BCAS1: variants seen among roughly 807,000 people sequenced by gnomAD.
BCAS1 encodes the protein breast carcinoma-amplified sequence 1.
In BCAS1, 46 loss-of-function variants were observed where a neutral mutation model predicts 65.4. The ratio of observed to expected loss-of-function variants is 0.70; its 90% CI spans 0.55 to 0.90. BCAS1 has a LOEUF of 0.90. Among genes scored for constraint, BCAS1 ranks in the 40% least tolerant of loss-of-function variants. The pLI is 0.00. For missense variants in BCAS1, 793 were observed against 771.2 expected (o/e 1.03, Z -0.33); for synonymous variants, 298 against 293.5 (o/e 1.02, Z -0.16).
intron 10 of BCAS1, among the ~76,000 whole-genome samples, chr20:53,963,117 T>A (rs2089931610): frequency 1.3e-5 from 2 of 151,416 alleles, no homozygotes; most frequent in Admixed American, 1.3e-4. Context: ...CCCAAAGTGC[T>A]GGGATTACAG....
intron 12 of BCAS1, among the ~76,000 whole-genome samples, chr20:53,951,706 C>G (rs1417327419): frequency 6.6e-6 from 1 of 152,204 alleles, no homozygotes; most frequent in Non-Finnish European, 1.5e-5. Flanking sequence ...CTTGCGTTGG[C>G]AAATCCAATA....
intron 4 of BCAS1, among the ~76,000 whole-genome samples, chr20:54,021,092 T>A (rs1054778066): frequency 6.6e-6 from 1 of 152,202 alleles, no homozygotes; most frequent in African/African-American, 2.4e-5. Flanking sequence ...CTGTGGCATG[T>A]CCTCTTTGCT....
chr20:54,028,296 T>G (rs2091720221), intron 4 of BCAS1, 96 bp downstream of exon 4: 2 of 1,323,762 alleles, frequency 1.5e-6, no homozygotes, highest in Admixed American at 1.7e-5. Flanking sequence ...CCACCTTGCC[T>G]AGGCCCAGGG....
intron 3 of BCAS1, among the ~76,000 whole-genome samples, chr20:54,053,028 A>G (rs2092244136): frequency 6.6e-6 from 1 of 152,252 alleles, no homozygotes; most frequent in South Asian, 2.1e-4. Flanking sequence ...ATTTTGGCAG[A>G]ACAAGCACAT....
At chr20:53,970,744 T>TGTA (rs1239105086) in intron 9 of BCAS1, among the ~76,000 whole-genome samples, 1 of 152,218 alleles carries the variant, frequency 6.6e-6, no homozygotes, top group African/African-American at 2.4e-5. Flanking sequence ...TGAAATTTGG[T>TGTA]TATACAGTTT....
rs2092078121 is a variant in BCAS1 at position 54,045,196 on chromosome 20, GC to G, written c.142+12888del. Among the ~76,000 whole-genome samples the G allele has an allele frequency of 3.4e-5, 5 of 145,756 alleles. No homozygotes were observed. The South Asian group carries it at 1.1e-3, about 32-fold the overall frequency. ...CATTGCACTCCAGCTGGGTGACAGA[GC>G]AAGACCTCATCTCAAAAAAAAAAAA... is the stretch of plus-strand genomic sequence containing the variant. On this transcript the variant is annotated intron_variant, in intron 3 of 12. Transcript: ENST00000688948.
chr20:53,980,324 G>GA (rs1422570672), intron 8 of BCAS1, among the ~76,000 whole-genome samples: 4 of 152,206 alleles, frequency 2.6e-5, no homozygotes, highest in Non-Finnish European at 5.9e-5. Flanking sequence ...CCAGATTCCA[G>GA]AGGGCTTCCC....
rs773839707 is a variant in BCAS1 at position 54,028,385 on chromosome 20, C to T, written c.723+7G>A. ...AGAACCAAGTGGATACACCTTGGCA[C>T]ACTTACCTTCCCTGCAGGGACATCA... On this transcript the variant is annotated splice_region_variant and intron_variant, in intron 4 of 12. Coordinates refer to ENST00000688948, the MANE Select transcript of BCAS1 (RefSeq NM_001366298.2). 3 of 1,614,204 alleles carry T rather than the reference C, an allele frequency of 1.9e-6. No homozygotes were observed. The highest frequency in any genetic ancestry group is 2.2e-5 in the East Asian group (1 of 44,886).
At chr20:54,064,479 G>C (rs757159694) in intron 1 of BCAS1, among the ~76,000 whole-genome samples, 1 of 152,158 alleles carries the variant, frequency 6.6e-6, no homozygotes, top group Admixed American at 6.5e-5. Flanking sequence ...CTTTGCTGAC[G>C]CACTGTTTCG....
intron 1 of BCAS1, among the ~76,000 whole-genome samples, chr20:54,061,890 C>T (rs569407650): frequency 1.3e-5 from 2 of 152,090 alleles, no homozygotes; most frequent in South Asian, 2.1e-4. Context: ...CAAAGAACAG[C>T]GGTGGCTGGA....
chr20:53,979,611 T>C (rs113733735), intron 8 of BCAS1, among the ~76,000 whole-genome samples: 2 of 152,094 alleles, frequency 1.3e-5, no homozygotes, highest in African/African-American at 4.8e-5. Flanking sequence ...GCACGGATCA[T>C]CTCCTTGGTG....
At position 53,953,448 on chromosome 20, in the gene BCAS1, C is replaced by T. The variant is rs200870946; in HGVS notation, c.1799G>A (p.Gly600Asp). Residue 600 changes from glycine to aspartate, a missense_variant, in exon 12 of 13, where the codon GGC (glycine) becomes GAC (aspartate). Gly to Asp is a moderately conservative substitution (Grantham distance 94). Coordinates refer to ENST00000688948, the MANE Select transcript of BCAS1 (RefSeq NM_001366298.2). ...TCCACCTACCAGGCCTTTAAAGAAGCCCCCAAGGGACTGCTGCCGCTTCTC... is the reference window on the plus strand; with the variant it reads ...TCCACCTACCAGGCCTTTAAAGAAGTCCCCAAGGGACTGCTGCCGCTTCTC... ...RPEKRQQSLGGFFKGLGPKRM... is the reference protein window; with the variant it reads ...RPEKRQQSLGDFFKGLGPKRM... The T allele has an allele frequency of 7.9e-5, 127 of 1,613,876 alleles. No individual in the cohort carries two copies. The highest frequency in any genetic ancestry group is 1.8e-4 in the Admixed American group (11 of 59,996).
chr20:54,060,528 G>A (rs2092363950), intron 1 of BCAS1, among the ~76,000 whole-genome samples: 2 of 151,568 alleles, frequency 1.3e-5, no homozygotes, highest in Admixed American at 6.6e-5. Flanking sequence ...CACCATGTTG[G>A]CCAGACTGGT....
Position 53,957,466 on chromosome 20 carries a change from G to A in BCAS1, c.1517C>T (p.Ser506Leu). ...SVKGDGGITHSEEINGKDSSC... is the reference protein window; with the variant it reads ...SVKGDGGITHLEEINGKDSSC... ...GGAGTCTTTCCCATTTATTTCTTCTGAGTGGGTGATCCCTCCATCCCCTTT... is the reference window on the plus strand; with the variant it reads ...GGAGTCTTTCCCATTTATTTCTTCTAAGTGGGTGATCCCTCCATCCCCTTT... The change falls in exon 11 of 13, where the codon TCA (serine) becomes TTA (leucine). Residue 506 changes from serine to leucine, a missense_variant. Transcript: ENST00000688948. 6.2e-7 allele frequency: 1 copy of A among 1,614,130 alleles called. No homozygotes were observed. The highest frequency in any genetic ancestry group is 2.2e-5 in the East Asian group (1 of 44,888).
chr20:53,990,511 C>CT (rs36023841), intron 7 of BCAS1, among the ~76,000 whole-genome samples: 31 of 151,534 alleles, frequency 2.0e-4, no homozygotes, highest in African/African-American at 6.5e-4. Context: ...GAATTGGTAA[C>CT]TTTTTTTTTA....
At chr20:53,970,763 G>A (rs1314427350) in intron 9 of BCAS1, among the ~76,000 whole-genome samples, 1 of 152,118 alleles carries the variant, frequency 6.6e-6, no homozygotes, top group African/African-American at 2.4e-5. Flanking sequence ...TTTTACTAGA[G>A]CTGTGGCTTT....
At chr20:54,042,249 A>C (rs1341710883) in intron 3 of BCAS1, among the ~76,000 whole-genome samples, 1 of 151,860 alleles carries the variant, frequency 6.6e-6, no homozygotes, top group African/African-American at 2.4e-5. Context: ...AGCCTACTTG[A>C]GGGTGGGAGG....
At chr20:53,954,950 A>T (rs2089655353) in intron 11 of BCAS1, among the ~76,000 whole-genome samples, 1 of 152,250 alleles carries the variant, frequency 6.6e-6, no homozygotes, top group Non-Finnish European at 1.5e-5. Flanking sequence ...AATTTTAAAA[A>T]ATGCAAAATG....
At chr20:54,060,546 G>T (rs1183910667) in intron 1 of BCAS1, among the ~76,000 whole-genome samples, 1 of 149,504 alleles carries the variant, frequency 6.7e-6, no homozygotes, top group Non-Finnish European at 1.5e-5. Context: ...GGTCTCGAGT[G>T]CCTGGCCTCA....
Sources: allele counts gnomAD v4.1 joint callset (sites outside exome capture counted in the v4.1 genomes callset), GRCh38; gene constraint gnomAD v4.1.1; transcripts MANE v1.5; gene names NCBI Gene and HGNC (gene_info 2026-07-23, HGNC 2026-07-21).